Variants in ZNF587B observed in about 807,000 individuals in gnomAD.
The protein encoded by ZNF587B is zinc finger protein 587B.
A neutral mutation model predicts 7.2 loss-of-function variants in ZNF587B; 6 were observed. That is an observed-to-expected ratio of 0.83 (90% confidence interval 0.46 to 1.65). The LOEUF (loss-of-function observed/expected upper bound fraction) is 1.65. Ranked by LOEUF, ZNF587B falls within the 40% of genes most tolerant of loss-of-function variation. ZNF587B has a pLI of 0.01. For synonymous variants in ZNF587B, 274 were observed against 254.3 expected, an observed-to-expected ratio of 1.08 and a Z score of -0.74; for missense variants, 749 against 761.0, an observed-to-expected ratio of 0.98 and a Z score of 0.19.
rs1461367114 is a variant in ZNF587B at position 57,830,342 on chromosome 19, G to A, written c.-187G>A. On this transcript the variant is annotated 5_prime_UTR_variant, in exon 1 of 3. Coordinates refer to ENST00000594901, the MANE Select transcript of ZNF587B (RefSeq NM_001376223.1). ...TTGTCGGAGAGGCTCCTGAGCGCTA[G>A]GTCGGCACTGCGGTGACTGAACCCA... The A allele has an allele frequency of 8.5e-6, 5 of 587,744 alleles. No individual in the cohort carries two copies. The highest frequency in any genetic ancestry group is 2.9e-5 in the East Asian group (1 of 34,380). The allele number at this position is 587,744 out of a possible 1,614,324, so 36.4% of individuals were successfully genotyped here.
chr19:57,834,912 A>G (rs971162037), intron 1 of ZNF587B, among the ~76,000 whole-genome samples: 4 of 114,090 alleles, frequency 3.5e-5, no homozygotes, highest in African/African-American at 1.1e-4. Context: ...CTATTCCACC[A>G]TCCTGCTCTG....
rs1989038041 is a variant in ZNF587B at position 57,845,906 on chromosome 19, T to G, written c.*3330T>G. On this transcript the variant is annotated 3_prime_UTR_variant, in exon 3 of 3. Coordinates refer to ENST00000594901, the MANE Select transcript of ZNF587B (RefSeq NM_001376223.1). ...TTGCTTGAGCCTGGGAGGCAGAAGT[T>G]GCAGTGAGCTAAGATTGCAACGCTG... 1 of 152,148 alleles carries G rather than the reference T, an allele frequency of 6.6e-6. No homozygotes were observed. The highest frequency in any genetic ancestry group is 2.1e-4 in the South Asian group (1 of 4,814). 9.4% of individuals were successfully genotyped at this position (152,148 alleles called of 1,614,324 possible). A position where few individuals can be genotyped will look rare whatever the true frequency, so the allele number is the denominator to read the frequency against.
In ZNF587B at chr19:57,844,030, G is replaced by A. The variant is rs942125488; in HGVS notation, c.*1454G>A. Among the ~76,000 whole-genome samples the A allele has an allele frequency of 4.6e-5, 7 of 152,080 alleles. No individual in the cohort carries two copies. The highest frequency in any genetic ancestry group is 7.4e-5 in the Non-Finnish European group (5 of 68,018). On this transcript the variant is annotated 3_prime_UTR_variant, in exon 3 of 3. Coordinates refer to ENST00000594901, the MANE Select transcript of ZNF587B (RefSeq NM_001376223.1). ...CCCAGAATGTTGGGATTATAGGCGT[G>A]GCATAAGTCACCATGCTGGGACTTT...
chr19:57,842,451 CTCACTAA>C lies in ZNF587B; in HGVS notation c.1782_1788del (p.Asn595GlyfsTer42), dbSNP rs1568501345. On this transcript the variant is annotated frameshift_variant, in exon 3 of 3. Coordinates refer to ENST00000594901, the MANE Select transcript of ZNF587B (RefSeq NM_001376223.1). LOFTEE classifies it low-confidence loss of function (END_TRUNC). ...GAAATCTTTTGCTGGAATCTCCAGT[CTCACTAA>C]TCACAGGAGAGTTCACACTGGAGAA... is the stretch of plus-strand genomic sequence containing the variant. The C allele has an allele frequency of 6.2e-7, 1 of 1,602,366 alleles. No individual in the cohort carries two copies. The highest frequency in any genetic ancestry group is 1.1e-5 in the South Asian group (1 of 89,056).
intron 2 of ZNF587B, among the ~76,000 whole-genome samples, chr19:57,840,170 T>A (rs528169198): frequency 6.7e-6 from 1 of 148,802 alleles, no homozygotes; most frequent in South Asian, 2.3e-4. Context: ...ACCAGGAACC[T>A]ATTCTACTTT....
In ZNF587B at chr19:57,835,691, A is replaced by C. The variant is rs553140292; in HGVS notation, c.37-3332A>C. 4.9e-3 allele frequency among the ~76,000 whole-genome samples: 703 copies of C among 142,944 alleles called. 82 individuals are homozygous for C. The highest frequency in any genetic ancestry group is 0.018 in the African/African-American group (663 of 36,988). The allele number at this position is 142,944 out of a possible 152,430, so 93.8% of individuals were successfully genotyped here. Reference sequence around the variant, plus strand: ...TAGGGGTTTTGGCCTTAGCAGCAGCAGTGATAGAAGCTGTATCAGCTGAGA... The same window carrying C: ...TAGGGGTTTTGGCCTTAGCAGCAGCCGTGATAGAAGCTGTATCAGCTGAGA... On this transcript the variant is annotated intron_variant, in intron 1 of 2. Transcript: ENST00000594901.
rs200312153 is a variant in ZNF587B at position 57,841,879 on chromosome 19, G to A, written c.1205G>A (p.Arg402His). Residue 402 changes from arginine (R) to histidine (H), a missense_variant, in exon 3 of 3, where the codon CGC becomes CAC. This residue lies in a region of ZNF587B where 656 missense variants were observed against 596.5 expected (regional missense o/e 1.10). Coordinates refer to ENST00000594901, the MANE Select transcript of ZNF587B (RefSeq NM_001376223.1). Reference sequence around the variant, plus strand: ...AAGGGGCACCTTAGGATCCATCAGCGCATGCACACTGGAGAAAGACCTTAC... The same window carrying A: ...AAGGGGCACCTTAGGATCCATCAGCACATGCACACTGGAGAAAGACCTTAC... Reference protein sequence around the residue: ...ISKGHLRIHQRMHTGERPYKC... With the variant: ...ISKGHLRIHQHMHTGERPYKC... 371 of 1,613,660 alleles carry A rather than the reference G, an allele frequency of 2.3e-4. No homozygotes were observed. Among genetic ancestry groups the A allele is most frequent in the Middle Eastern group, 9.9e-4 (6 of 6,060 alleles).
In ZNF587B at chr19:57,844,190, T is replaced by C. The variant is rs1966099917; in HGVS notation, c.*1614T>C. ...CCCCATTTTTGTCCCAGAGGACTCT[T>C]GTGCTGACTTGAAAAGATGGACTAT... On this transcript the variant is annotated 3_prime_UTR_variant, in exon 3 of 3. Coordinates refer to ENST00000594901, the MANE Select transcript of ZNF587B (RefSeq NM_001376223.1). 2 of 421,234 alleles carry C rather than the reference T, an allele frequency of 4.7e-6. No individual in the cohort carries two copies. The highest frequency in any genetic ancestry group is 9.4e-6 in the Non-Finnish European group (2 of 213,712). 26.1% of individuals were successfully genotyped at this position (421,234 alleles called of 1,614,324 possible).
Position 57,839,073 on chromosome 19 carries a change from G to A in ZNF587B, c.87G>A (p.Trp29Ter). The A allele has an allele frequency of 6.2e-7, 1 of 1,614,142 alleles. No individual in the cohort carries two copies. The highest frequency in any genetic ancestry group is 8.5e-7 in the Non-Finnish European group (1 of 1,180,026). ...CTGTGAAATTTACCCAGGAGGAATG[G>A]AATCTCCTTAGTGAGGCTCAGAGAT... ...DVAVKFTQEE[W>*]NLLSEAQRCL... Residue 29 changes from tryptophan to a stop codon, truncating the protein, a stop_gained, in exon 2 of 3, where the codon TGG becomes TGA. Transcript: ENST00000594901. LOFTEE classifies it high-confidence loss of function.
rs969195569 is a variant in ZNF587B, at chr19:57,830,419, G to A, written c.-110G>A. The A allele has an allele frequency of 1.3e-5, 16 of 1,218,394 alleles. No individual in the cohort carries two copies. In the South Asian group the frequency reaches 1.5e-4, roughly 11 times the overall value. The allele number at this position is 1,218,394 out of a possible 1,614,324, so 75.5% of individuals were successfully genotyped here. Reference sequence around the variant, plus strand: ...TGCACAGAGGCGACTCTGGAGCTCTGTGACGGCGCCAAGCGTGACCCACCC... The same window carrying A: ...TGCACAGAGGCGACTCTGGAGCTCTATGACGGCGCCAAGCGTGACCCACCC... On this transcript the variant is annotated 5_prime_UTR_variant, in exon 1 of 3. In the 5' UTR this introduces an upstream ATG that the reference lacks. Transcript: ENST00000594901.
intron 2 of ZNF587B, among the ~76,000 whole-genome samples, chr19:57,839,609 T>C (rs1304870081): frequency 6.6e-6 from 1 of 152,050 alleles, no homozygotes; most frequent in Non-Finnish European, 1.5e-5. Context: ...ATGGGCTGAG[T>C]TGTTCTGAGA....
chr19:57,842,680 G>T lies in ZNF587B; in HGVS notation c.*104G>T. ...GAAAATGTTTACCCAAAAGAAGTCTGCTCTCCTTGGACATTGGAGAGTTCA... is the reference window on the plus strand; with the variant it reads ...GAAAATGTTTACCCAAAAGAAGTCTTCTCTCCTTGGACATTGGAGAGTTCA... On this transcript the variant is annotated 3_prime_UTR_variant, in exon 3 of 3. Transcript: ENST00000594901. 7.5e-7 allele frequency: 1 copy of T among 1,341,736 alleles called. No homozygotes were observed. Among genetic ancestry groups the T allele is most frequent in the Non-Finnish European group, 9.5e-7 (1 of 1,051,966 alleles). The allele number at this position is 1,341,736 out of a possible 1,614,324, so 83.1% of individuals were successfully genotyped here.
chr19:57,843,339 A>C lies in ZNF587B; in HGVS notation c.*763A>C. On this transcript the variant is annotated 3_prime_UTR_variant, in exon 3 of 3. Coordinates refer to ENST00000594901, the MANE Select transcript of ZNF587B (RefSeq NM_001376223.1). ...TGGGAGGAGATCCTTTGAGGGCACC[A>C]TGTGCCCAAATTGAAAAAACTCCAG... 3.0e-6 allele frequency: 3 copies of C among 985,364 alleles called. No homozygotes were observed. The highest frequency in any genetic ancestry group is 1.2e-6 in the Non-Finnish European group (1 of 829,904). 61.0% of individuals were successfully genotyped at this position (985,364 alleles called of 1,614,324 possible).
At position 57,830,552 on chromosome 19, in the gene ZNF587B, G is replaced by C. The variant is rs1307964986; in HGVS notation, c.24G>C (p.Arg8Ser). The C allele has an allele frequency of 1.3e-5, 20 of 1,549,782 alleles. No homozygotes were observed. The highest frequency in any genetic ancestry group is 1.7e-5 in the Non-Finnish European group (19 of 1,147,392). MAVVATL[R>S]LSAQGTVTFE... ...CGATGGCGGTGGTGGCCACGCTGAGGCTCTCTGCTCAGGTAATTGTGGTGC... is the reference window on the plus strand; with the variant it reads ...CGATGGCGGTGGTGGCCACGCTGAGCCTCTCTGCTCAGGTAATTGTGGTGC... The change falls in exon 1 of 3, where the codon AGG becomes AGC. Residue 8 changes from arginine (R) to serine (S), a missense_variant. Transcript: ENST00000594901.
Position 57,844,132 on chromosome 19 carries a change from C to T in ZNF587B, c.*1556C>T. The T allele has an allele frequency of 6.9e-6, 2 of 289,722 alleles. No individual in the cohort carries two copies. Among genetic ancestry groups the T allele is most frequent in the Admixed American group, 4.9e-5 (1 of 20,344 alleles). 17.9% of individuals were successfully genotyped at this position (289,722 alleles called of 1,614,324 possible). A position where few individuals can be genotyped will look rare whatever the true frequency, so the allele number is the denominator to read the frequency against. On this transcript the variant is annotated 3_prime_UTR_variant, in exon 3 of 3. Coordinates refer to ENST00000594901, the MANE Select transcript of ZNF587B (RefSeq NM_001376223.1). ...GTAGCCTCAGCACTTCTTGCTTTTT[C>T]ATTTCTTTCTGATAAGTTACACCAT...
At chr19:57,838,306 GAT>G (rs1019421971) in intron 1 of ZNF587B, among the ~76,000 whole-genome samples, 1 of 149,294 alleles carries the variant, frequency 6.7e-6, no homozygotes, top group African/African-American at 2.5e-5. Flanking sequence ...AAAAAAAAAA[GAT>G]ACTTTAAATT....
Position 57,842,041 on chromosome 19 carries a change from AC to A in ZNF587B, c.1369del (p.Gln457SerfsTer182), listed in dbSNP as rs777441141. On this transcript the variant is annotated frameshift_variant, in exon 3 of 3. Coordinates refer to ENST00000594901, the MANE Select transcript of ZNF587B (RefSeq NM_001376223.1). LOFTEE classifies it low-confidence loss of function (END_TRUNC). ...AGTCACAAGGGTAACCTCATTCTAC[AC>A]CAGCATGGCCATACTAGAAAAAGGC... Reference protein sequence around the residue: ...CFSHKGNLILHQHGHTRKRPY... With the variant: ...CFSHKGNLILXQHGHTRKRPY... 2.4e-5 allele frequency: 38 copies of A among 1,591,736 alleles called. No homozygotes were observed. The South Asian group carries it at 4.3e-4, about 18-fold the overall frequency.
In ZNF587B at chr19:57,843,282, G is replaced by T. The variant is rs977733634; in HGVS notation, c.*706G>T. On this transcript the variant is annotated 3_prime_UTR_variant, in exon 3 of 3. Transcript: ENST00000594901. The stretch of plus-strand genomic sequence containing the variant: ...GCTGAGATTGTAGGTTTGAGTCACT[G>T]TGCTCAGCCAATTATGTTTTTCTGT... 2.0e-6 allele frequency: 2 copies of T among 985,142 alleles called. No homozygotes were observed. The highest frequency in any genetic ancestry group is 3.5e-5 in the African/African-American group (2 of 57,186). The allele number at this position is 985,142 out of a possible 1,614,324, so 61.0% of individuals were successfully genotyped here.
chr19:57,837,562 C>G (rs763705019), intron 1 of ZNF587B, among the ~76,000 whole-genome samples: 1 of 151,974 alleles, frequency 6.6e-6, no homozygotes, highest in Non-Finnish European at 1.5e-5. Flanking sequence ...CATTCTCCTG[C>G]CTCAGCCTCC....
Sources: gnomAD v4.1 joint callset for allele counts (sites outside exome capture counted in the v4.1 genomes callset) on GRCh38, gnomAD v4.1.1 for gene constraint, gnomAD v4.1.1 regional missense constraint, MANE v1.5 for transcripts, NCBI Gene and HGNC (gene_info 2026-07-23, HGNC 2026-07-21) for gene names.